The following LHFPL6 variants were observed in gnomAD, a reference collection of about 807,000 sequenced individuals.
The protein encoded by LHFPL6 is LHFPL tetraspan subfamily member 6 protein.
Under a neutral mutation model 20.6 loss-of-function variants are expected in LHFPL6, and 9 were observed. The observed-to-expected ratio is 0.44, with a 90% CI of 0.26 to 0.76. The LOEUF (loss-of-function observed/expected upper bound fraction) is 0.76, where lower values mean the gene tolerates loss of function less well. LHFPL6 is among the 30% of genes least tolerant of loss of function. LHFPL6 has a pLI of 0.20. For synonymous variants in LHFPL6, 105 were observed against 98.7 expected, an observed-to-expected ratio of 1.06 and a Z score of -0.38; for missense variants, 218 against 253.5, an observed-to-expected ratio of 0.86 and a Z score of 0.95.
chr13:39,590,158 A>G (rs918366511), intron 2 of LHFPL6, among the ~76,000 whole-genome samples: 1 of 152,192 alleles, frequency 6.6e-6, no homozygotes, highest in African/African-American at 2.4e-5. Flanking sequence ...CAGTGTTCTC[A>G]GCTGTTAAAA....
At chr13:39,575,768 G>A (rs568419238) in intron 2 of LHFPL6, among the ~76,000 whole-genome samples, 6 of 152,252 alleles carry the variant, frequency 3.9e-5, no homozygotes, top group African/African-American at 9.6e-5. Context: ...GCTTCTGCCC[G>A]GGTGTGCACG....
chr13:39,496,308 A>G (rs189876231), intron 2 of LHFPL6, among the ~76,000 whole-genome samples: 4 of 152,124 alleles, frequency 2.6e-5, no homozygotes, highest in African/African-American at 9.7e-5. Flanking sequence ...GGCCTCTTTT[A>G]TAAGGGAACT....
chr13:39,357,540 A>G (rs1359895906), intron 3 of LHFPL6, among the ~76,000 whole-genome samples: 1 of 152,216 alleles, frequency 6.6e-6, no homozygotes, highest in Admixed American at 6.5e-5. Context: ...TCCAAATAAG[A>G]AAAGTATAAG....
intron 2 of LHFPL6, among the ~76,000 whole-genome samples, chr13:39,442,374 AAT>A (rs981045627): frequency 6.6e-6 from 1 of 152,232 alleles, no homozygotes; most frequent in Non-Finnish European, 1.5e-5. Flanking sequence ...CCTTAAGAAA[AAT>A]ATGTTTAATA....
intron 2 of LHFPL6, among the ~76,000 whole-genome samples, chr13:39,580,588 C>T (rs986591214): frequency 2.0e-5 from 3 of 152,104 alleles, no homozygotes; most frequent in African/African-American, 2.4e-5. Context: ...CTGTTCATTA[C>T]GTTACCCCCA....
chr13:39,487,012 A>G (rs1184532960), intron 2 of LHFPL6, among the ~76,000 whole-genome samples: 4 of 152,236 alleles, frequency 2.6e-5, no homozygotes, highest in South Asian at 4.1e-4. Context: ...ACTGAACTCA[A>G]AGAAATGTAA....
rs1410472644 is a variant in LHFPL6, at chr13:39,512,609, A to AAAAAAAAAAG, written c.385+88222_385+88223insCTTTTTTTTT. Reference sequence around the variant, plus strand: ...AGAGCGAGCCTCCGTCTCAAAAAAAAAAAAAAGAAAAGAAAAAGAAATCAG... The same window carrying AAAAAAAAAAG: ...AGAGCGAGCCTCCGTCTCAAAAAAAAAAAAAAAAAGAAAAAAGAAAAGAAAAAGAAATCAG... On this transcript the variant is annotated intron_variant, in intron 2 of 3. Coordinates refer to ENST00000379589, the MANE Select transcript of LHFPL6 (RefSeq NM_005780.3). Among the ~76,000 whole-genome samples, 69 of 150,282 alleles carry AAAAAAAAAAG rather than the reference A, an allele frequency of 4.6e-4. 1 individual carries two copies. Among genetic ancestry groups the AAAAAAAAAAG allele is most frequent in the African/African-American group, 1.6e-3 (64 of 40,460 alleles).
intron 3 of LHFPL6, among the ~76,000 whole-genome samples, chr13:39,367,817 G>C (rs1364463587): frequency 1.3e-5 from 2 of 152,196 alleles, no homozygotes; most frequent in Non-Finnish European, 2.9e-5. Flanking sequence ...AAACGGTCTG[G>C]AGACCTTAAG....
At chr13:39,424,300 G>A (rs1432049988) in intron 2 of LHFPL6, among the ~76,000 whole-genome samples, 1 of 151,162 alleles carries the variant, frequency 6.6e-6, no homozygotes, top group Non-Finnish European at 1.5e-5. Context: ...ACACAATAAA[G>A]GAATAAAGGA....
intron 2 of LHFPL6, among the ~76,000 whole-genome samples, chr13:39,410,338 C>A (rs879548538): frequency 2.6e-5 from 4 of 152,312 alleles, no homozygotes; most frequent in Middle Eastern, 3.4e-3. Context: ...GCTCAGAGAG[C>A]TGAAAATTCT....
chr13:39,492,674 T>C (rs1410786012), intron 2 of LHFPL6, among the ~76,000 whole-genome samples: 2 of 152,142 alleles, frequency 1.3e-5, no homozygotes, highest in Non-Finnish European at 2.9e-5. Flanking sequence ...TATTTATTTA[T>C]TTATTTTGAG....
chr13:39,380,547 G>A (rs1870411906), intron 2 of LHFPL6, among the ~76,000 whole-genome samples: 1 of 144,538 alleles, frequency 6.9e-6, no homozygotes, highest in Admixed American at 7.1e-5. Context: ...GTCTCGCACT[G>A]TCATCCAGGC....
At chr13:39,348,376 CCA>C (rs1869466031) in intron 3 of LHFPL6, among the ~76,000 whole-genome samples, 1 of 152,290 alleles carries the variant, frequency 6.6e-6, no homozygotes, top group East Asian at 1.9e-4. Context: ...CTGGTGTGAC[CCA>C]CAGCCAGCGA....
chr13:39,512,008 G>C (rs1225263125), intron 2 of LHFPL6, among the ~76,000 whole-genome samples: 1 of 152,182 alleles, frequency 6.6e-6, no homozygotes, highest in Non-Finnish European at 1.5e-5. Flanking sequence ...AAGTATCCAT[G>C]AGACGACCTA....
Position 39,467,177 on chromosome 13 carries a change from C to T in LHFPL6, c.386-88651G>A, listed in dbSNP as rs1872825267. On this transcript the variant is annotated intron_variant, in intron 2 of 3. Transcript: ENST00000379589. The stretch of plus-strand genomic sequence containing the variant: ...TTAACTGCCGTTATTCATCTGTTCC[C>T]CTTAACTGCCCTTATTCACCTATGA... 2.0e-5 allele frequency among the ~76,000 whole-genome samples: 3 copies of T among 152,260 alleles called. No homozygotes were observed. The South Asian group carries it at 6.2e-4, about 32-fold the overall frequency.
chr13:39,562,135 C>A (rs1449911061), intron 2 of LHFPL6, among the ~76,000 whole-genome samples: 1 of 152,102 alleles, frequency 6.6e-6, no homozygotes. Flanking sequence ...TTAGCAGCCA[C>A]TCTGCTTTCA....
chr13:39,395,951 C>T (rs573293868), intron 2 of LHFPL6, among the ~76,000 whole-genome samples: 2 of 152,290 alleles, frequency 1.3e-5, no homozygotes, highest in South Asian at 2.1e-4. Context: ...AAAGGAAATG[C>T]GATTGCTTTC....
rs532802428 is a variant in LHFPL6 at position 39,505,371 on chromosome 13, G to C, written c.385+95461C>G. Among the ~76,000 whole-genome samples the C allele has an allele frequency of 2.0e-5, 3 of 152,222 alleles. No individual in the cohort carries two copies. The East Asian group carries it at 5.8e-4, about 29-fold the overall frequency. ...TCTGTCAACTCAAACATTCACTGAA[G>C]GCCTACTATGCATAAGGAATTGCGC... On this transcript the variant is annotated intron_variant, in intron 2 of 3. Transcript: ENST00000379589.
intron 2 of LHFPL6, among the ~76,000 whole-genome samples, chr13:39,402,980 A>T (rs531012187): frequency 1.3e-5 from 2 of 152,306 alleles, no homozygotes; most frequent in Admixed American, 1.3e-4. Context: ...TTTTCTCTTG[A>T]TCAAAGATGG....
Sources: gnomAD v4.1 joint callset for allele counts (sites outside exome capture counted in the v4.1 genomes callset) on GRCh38, gnomAD v4.1.1 for gene constraint, MANE v1.5 for transcripts, NCBI Gene and HGNC (gene_info 2026-07-23, HGNC 2026-07-21) for gene names.